The following ATP10D variants were observed in gnomAD, a reference collection of about 807,000 sequenced individuals.
The protein encoded by ATP10D is ATPase phospholipid transporting 10D (putative).
Under a neutral mutation model 144.8 loss-of-function variants are expected in ATP10D, and 89 were observed. The ratio of observed to expected loss-of-function variants is 0.61; its 90% CI spans 0.52 to 0.73. The LOEUF (loss-of-function observed/expected upper bound fraction) is 0.73, where lower values mean the gene tolerates loss of function less well. ATP10D is among the 30% of genes least tolerant of loss of function. The pLI, the probability that ATP10D is intolerant of heterozygous loss-of-function variation, is 0.00. For missense variants in ATP10D, 1,603 were observed against 1,714.8 expected (o/e 0.93, Z 1.15); for synonymous variants, 571 against 615.1 (o/e 0.93, Z 1.06).
chr4:47,588,790 C>T (rs1034199436), intron 22 of ATP10D, among the ~76,000 whole-genome samples: 3 of 152,158 alleles, frequency 2.0e-5, no homozygotes, highest in Non-Finnish European at 4.4e-5. Context: ...ACAAGATGAA[C>T]TTACAGAATT....
At chr4:47,585,028 A>G (rs922866523) in intron 21 of ATP10D, among the ~76,000 whole-genome samples, 1 of 152,230 alleles carries the variant, frequency 6.6e-6, no homozygotes, top group African/African-American at 2.4e-5. Flanking sequence ...CACCAATAGT[A>G]CACACCATGA....
chr4:47,591,569 A>G lies in ATP10D; in HGVS notation c.*188A>G, dbSNP rs1453034919. 1.1e-5 allele frequency: 5 copies of G among 446,438 alleles called. No homozygotes were observed. Among genetic ancestry groups the G allele is most frequent in the Non-Finnish European group, 1.9e-5 (5 of 256,946 alleles). The allele number at this position is 446,438 out of a possible 1,614,324, so 27.7% of individuals were successfully genotyped here. A position where few individuals can be genotyped will look rare whatever the true frequency, so the allele number is the denominator to read the frequency against. Reference sequence around the variant, plus strand: ...ATTTGTGATAGAGGGCTAGAGTTTGACCTAGAGAGAGTTTAAGGAAGTGAA... The same window carrying G: ...ATTTGTGATAGAGGGCTAGAGTTTGGCCTAGAGAGAGTTTAAGGAAGTGAA... On this transcript the variant is annotated 3_prime_UTR_variant, in exon 23 of 23. Coordinates refer to ENST00000273859, the MANE Select transcript of ATP10D (RefSeq NM_020453.4).
chr4:47,557,653 G>A lies in ATP10D; in HGVS notation c.1825-11G>A. On this transcript the variant is annotated splice_polypyrimidine_tract_variant and intron_variant, in intron 11 of 22. Transcript: ENST00000273859. The stretch of plus-strand genomic sequence containing the variant: ...GACTGTATTGAGACCTTTCTAAATT[G>A]TCTTTCATAGATCAGACACCCTTCA... 2 of 1,587,904 alleles carry A rather than the reference G, an allele frequency of 1.3e-6. No homozygotes were observed. The highest frequency in any genetic ancestry group is 1.7e-6 in the Non-Finnish European group (2 of 1,163,962).
intron 9 of ATP10D, among the ~76,000 whole-genome samples, chr4:47,542,517 C>G (rs779654594): frequency 6.6e-6 from 1 of 152,070 alleles, no homozygotes; most frequent in Non-Finnish European, 1.5e-5. Context: ...AGTCTAGTCT[C>G]GCCAGGTTGC....
At chr4:47,497,187 G>A (rs1019240600) in intron 1 of ATP10D, among the ~76,000 whole-genome samples, 12 of 152,170 alleles carry the variant, frequency 7.9e-5, no homozygotes, top group African/African-American at 2.9e-4. Context: ...CGGGCATGGT[G>A]GCTCATGCCT....
intron 13 of ATP10D, among the ~76,000 whole-genome samples, chr4:47,560,652 C>T (rs564020248): frequency 6.6e-6 from 1 of 152,354 alleles, no homozygotes; most frequent in Admixed American, 6.5e-5. Flanking sequence ...CCACTCCCAA[C>T]TGCATACTTT....
intron 20 of ATP10D, among the ~76,000 whole-genome samples, chr4:47,580,964 G>T (rs911453328): frequency 6.6e-6 from 1 of 152,186 alleles, no homozygotes; most frequent in Non-Finnish European, 1.5e-5. Flanking sequence ...TTGGGAGGCT[G>T]AGGTAGGAGG....
At chr4:47,513,752 A>G (rs546709416) in intron 2 of ATP10D, among the ~76,000 whole-genome samples, 1 of 152,354 alleles carries the variant, frequency 6.6e-6, no homozygotes, top group South Asian at 2.1e-4. Flanking sequence ...TCTTGCTATC[A>G]GGATAAAGAG....
In ATP10D at chr4:47,546,645, A is replaced by C. The variant is rs765184948; in HGVS notation, c.1418A>C (p.Gln473Pro). ...ACAGCCAGGAGGTTGGAGTCCTATC[A>C]GGAAGCTGTCTCTGAAGATGAAGAT... is the stretch of plus-strand genomic sequence containing the variant. ...EENARRLESY[Q>P]EAVSEDEDFI... The change falls in exon 10 of 23, where the codon CAG becomes CCG. Residue 473 changes from glutamine to proline, a missense_variant. Physicochemically the swap from Gln to Pro is moderately conservative, Grantham distance 76. Transcript: ENST00000273859. 1 of 1,614,118 alleles carries C rather than the reference A, an allele frequency of 6.2e-7. No individual in the cohort carries two copies. The highest frequency in any genetic ancestry group is 1.7e-5 in the Admixed American group (1 of 60,028).
chr4:47,548,539 C>T (rs192823252), intron 10 of ATP10D, among the ~76,000 whole-genome samples: 9 of 152,176 alleles, frequency 5.9e-5, no homozygotes, highest in African/African-American at 2.2e-4. Flanking sequence ...ACATCTAGCA[C>T]AAAGGCTGGC....
intron 16 of ATP10D, 126 bp downstream of exon 16, chr4:47,569,272 C>G: frequency 9.4e-7 from 1 of 1,069,086 alleles, no homozygotes; most frequent in South Asian, 1.6e-5. Flanking sequence ...CTACCACATT[C>G]ATGCCTTCCC....
At chr4:47,513,038 A>G (rs1716438386) in intron 2 of ATP10D, among the ~76,000 whole-genome samples, 1 of 152,210 alleles carries the variant, frequency 6.6e-6, no homozygotes, top group South Asian at 2.1e-4. Context: ...TTTACCAGAA[A>G]AGATATTGTA....
At position 47,572,077 on chromosome 4, in the gene ATP10D, G is replaced by A. The variant is rs1719979712; in HGVS notation, c.3164-77G>A. ...AAGGATTTATTTGTTCACTTGAGCT[G>A]CCCCTATTGATTTGCAACATTTACA... On this transcript the variant is annotated intron_variant, in intron 16 of 22. Coordinates refer to ENST00000273859, the MANE Select transcript of ATP10D (RefSeq NM_020453.4). 8 of 1,263,964 alleles carry A rather than the reference G, an allele frequency of 6.3e-6. No homozygotes were observed. In the South Asian group the frequency reaches 7.3e-5, roughly 12 times the overall value. 78.3% of individuals were successfully genotyped at this position (1,263,964 alleles called of 1,614,324 possible). A position where few individuals can be genotyped will look rare whatever the true frequency, so the allele number is the denominator to read the frequency against.
chr4:47,501,213 T>TG (rs1715664996), intron 1 of ATP10D, among the ~76,000 whole-genome samples: 1 of 152,154 alleles, frequency 6.6e-6, no homozygotes, highest in South Asian at 2.1e-4. Context: ...AAAAGATGGT[T>TG]GGTGGTTGTT....
intron 18 of ATP10D, 67 bp downstream of exon 18, chr4:47,573,064 A>G: frequency 6.4e-7 from 1 of 1,560,258 alleles, no homozygotes; most frequent in Non-Finnish European, 8.8e-7. Context: ...ATCAGGGATG[A>G]AGACGAAGTG....
At chr4:47,502,734 C>T (rs1012764703) in intron 1 of ATP10D, among the ~76,000 whole-genome samples, 1 of 149,990 alleles carries the variant, frequency 6.7e-6, no homozygotes, top group Non-Finnish European at 1.5e-5. Context: ...AAGCTTTATT[C>T]TCACGAGAGA....
intron 22 of ATP10D, among the ~76,000 whole-genome samples, chr4:47,589,307 G>C (rs962453806): frequency 1.1e-4 from 17 of 152,292 alleles, no homozygotes; most frequent in Admixed American, 1.1e-3. Flanking sequence ...AAGCTACCAA[G>C]TTTGTAATAA....
intron 13 of ATP10D, among the ~76,000 whole-genome samples, chr4:47,559,917 T>A (rs1489980049): frequency 6.6e-6 from 1 of 152,146 alleles, no homozygotes; most frequent in Admixed American, 6.5e-5. Context: ...GGAGAATTGC[T>A]TGAACCTGGG....
At chr4:47,519,998 T>A (rs1466968484) in intron 3 of ATP10D, among the ~76,000 whole-genome samples, 1 of 152,228 alleles carries the variant, frequency 6.6e-6, no homozygotes, top group African/African-American at 2.4e-5. Flanking sequence ...TCTTGGTACA[T>A]GCTACAAATG....
Sources: gnomAD v4.1 joint callset for allele counts (sites outside exome capture counted in the v4.1 genomes callset) on GRCh38, gnomAD v4.1.1 for gene constraint, MANE v1.5 for transcripts, NCBI Gene and HGNC (gene_info 2026-07-23, HGNC 2026-07-21) for gene names.